LRRK2: variants seen among roughly 807,000 people sequenced by gnomAD.
LRRK2 encodes leucine rich repeat kinase 2, also known as leucine-rich repeat serine/threonine-protein kinase 2.
A neutral mutation model predicts 302.6 loss-of-function variants in LRRK2; 203 were observed. That is an observed-to-expected ratio of 0.67 (90% CI 0.60 to 0.75). The LOEUF (loss-of-function observed/expected upper bound fraction) is 0.75, where lower values mean the gene tolerates loss of function less well. Ranked by LOEUF, LRRK2 falls within the 30% of genes least tolerant of loss-of-function variation. The pLI is 0.00. For missense variants in LRRK2, 2,830 were observed against 2,951.0 expected (o/e 0.96, Z 0.95); for synonymous variants, 1,066 against 1,031.9 (o/e 1.03, Z -0.63).
At chr12:40,327,253 A>C (rs897316698) in intron 38 of LRRK2, among the ~76,000 whole-genome samples, 2 of 152,218 alleles carry the variant, frequency 1.3e-5, no homozygotes, top group East Asian at 3.8e-4. Context: ...CTTCAAGGGT[A>C]TGGAGGCCTG....
In LRRK2 at chr12:40,351,724, C is replaced by T; in HGVS notation, c.6567C>T (p.Tyr2189=). The T allele has an allele frequency of 6.2e-7, 1 of 1,614,070 alleles. No individual in the cohort carries two copies. Among genetic ancestry groups the T allele is most frequent in the African/African-American group, 1.3e-5 (1 of 75,040 alleles). ...TTCTTGACTTAAATACTGAAGGATA[C>T]ACTTCTGAGGTAAATCCAAATGCTC... is the stretch of plus-strand genomic sequence containing the variant. ...LSFLDLNTEG[Y]TSEEVADSRI... Residue 2189 remains tyrosine (Y), a synonymous_variant, in exon 44 of 51, where the codon TAC becomes TAT. Coordinates refer to ENST00000298910, the MANE Select transcript of LRRK2 (RefSeq NM_198578.4).
At chr12:40,248,964 C>G (rs910474238) in intron 7 of LRRK2, among the ~76,000 whole-genome samples, 7 of 152,168 alleles carry the variant, frequency 4.6e-5, no homozygotes, top group South Asian at 4.1e-4. Context: ...GGTAAAGGAG[C>G]TCCATACTTG....
At chr12:40,252,272 C>T (rs1235740880) in intron 10 of LRRK2, among the ~76,000 whole-genome samples, 2 of 152,154 alleles carry the variant, frequency 1.3e-5, no homozygotes, top group South Asian at 2.1e-4. Context: ...AAATCTTGAC[C>T]GTCTATTTGT....
At chr12:40,236,190 T>C (rs1948753824) in intron 4 of LRRK2, among the ~76,000 whole-genome samples, 1 of 152,150 alleles carries the variant, frequency 6.6e-6, no homozygotes, top group Non-Finnish European at 1.5e-5. Context: ...GCCATAATCG[T>C]TACATTTTGA....
chr12:40,324,918 CT>C (rs1333483980), intron 38 of LRRK2, among the ~76,000 whole-genome samples: 2 of 152,172 alleles, frequency 1.3e-5, no homozygotes, highest in Non-Finnish European at 2.9e-5. Flanking sequence ...TAAAATATTT[CT>C]TTTTCCTGCA....
At position 40,243,601 on chromosome 12, in the gene LRRK2, T is replaced by C. The variant is rs776346976; in HGVS notation, c.758T>C (p.Val253Ala). ...MSGNVRCYNI[V>A]VEAMKAFPMS... The stretch of plus-strand genomic sequence containing the variant: ...GGCAATGTCAGGTGTTATAATATTG[T>C]GGTGGAAGCTATGAAAGCATTCCCT... The change falls in exon 7 of 51, where the codon GTG (valine) becomes GCG (alanine). Residue 253 changes from valine to alanine, a missense_variant. Transcript: ENST00000298910. 1.9e-6 allele frequency: 3 copies of C among 1,612,148 alleles called. No homozygotes were observed. The African/African-American group carries it at 4.0e-5, about 22-fold the overall frequency.
At chr12:40,233,163 G>A (rs1170694750) in intron 3 of LRRK2, among the ~76,000 whole-genome samples, 1 of 152,152 alleles carries the variant, frequency 6.6e-6, no homozygotes, top group African/African-American at 2.4e-5. Context: ...GTTGCAGTGA[G>A]CCGAGATTGC....
chr12:40,345,356 C>T (rs1946159274), intron 41 of LRRK2, among the ~76,000 whole-genome samples: 1 of 152,052 alleles, frequency 6.6e-6, no homozygotes, highest in Non-Finnish European at 1.5e-5. Context: ...GGTGCAGTGG[C>T]TCCTGCCTGT....
intron 1 of LRRK2, 47 bp from the exon 2 acceptor site, chr12:40,225,508 C>T: frequency 6.7e-7 from 1 of 1,493,550 alleles, no homozygotes; most frequent in East Asian, 2.3e-5. Context: ...AGAGGGGGTG[C>T]TGTGGATTGT....
At chr12:40,275,355 T>G (rs1292538724) in intron 16 of LRRK2, among the ~76,000 whole-genome samples, 2 of 152,196 alleles carry the variant, frequency 1.3e-5, no homozygotes, top group African/African-American at 2.4e-5. Context: ...GTTGCTTACC[T>G]TTAGTAATTT....
chr12:40,239,554 A>G (rs1429014680), intron 5 of LRRK2, among the ~76,000 whole-genome samples: 1 of 152,188 alleles, frequency 6.6e-6, no homozygotes, highest in Non-Finnish European at 1.5e-5. Context: ...ATGTTGCTCA[A>G]TAGAAAAACC....
At chr12:40,311,011 A>G (rs1343230609) in intron 31 of LRRK2, among the ~76,000 whole-genome samples, 1 of 151,894 alleles carries the variant, frequency 6.6e-6, no homozygotes, top group South Asian at 2.1e-4. Flanking sequence ...AGGTCTTGGG[A>G]TCATCTTTCT....
rs531265889 is a variant in LRRK2 at position 40,353,389 on chromosome 12, G to A, written c.6577-910G>A. The stretch of plus-strand genomic sequence containing the variant: ...GCTCTCCTCACATCCCAGACGGGGC[G>A]GCAGGGCAGAGGCGCTCCCCACATC... On this transcript the variant is annotated intron_variant, in intron 44 of 50. Coordinates refer to ENST00000298910, the MANE Select transcript of LRRK2 (RefSeq NM_198578.4). 6.6e-5 allele frequency among the ~76,000 whole-genome samples: 10 copies of A among 151,528 alleles called. No individual in the cohort carries two copies. The South Asian group carries it at 1.5e-3, about 22-fold the overall frequency.
Position 40,252,920 on chromosome 12 carries a change from C to T in LRRK2, c.1192C>T (p.His398Tyr), listed in dbSNP as rs146765799. The T allele has an allele frequency of 6.8e-6, 11 of 1,612,364 alleles. No individual in the cohort carries two copies. Among genetic ancestry groups the T allele is most frequent in the South Asian group, 1.1e-5 (1 of 91,058 alleles). Residue 398 changes from histidine (H) to tyrosine (Y), a missense_variant, in exon 11 of 51, where the codon CAT becomes TAT. This residue lies in a region of LRRK2 where 2,121 missense variants were observed against 2,148.0 expected (regional missense o/e 0.99). Transcript: ENST00000298910. The part of the protein sequence containing the change: ...IGDEDGHFPA[H>Y]REVMLSMLMH... ...TTGAATTTTTGAAAGTTTCCCAGCT[C>T]ATAGGGAAGTGATGCTCTCCATGCT...
intron 5 of LRRK2, 23 bp from the exon 6 acceptor site, chr12:40,240,460 G>T: frequency 6.2e-7 from 1 of 1,605,020 alleles, no homozygotes; most frequent in Non-Finnish European, 8.5e-7. Flanking sequence ...AGCTTATTCA[G>T]TATTTTGTCT....
At chr12:40,339,560 T>C (rs1232672834) in intron 40 of LRRK2, among the ~76,000 whole-genome samples, 1 of 152,172 alleles carries the variant, frequency 6.6e-6, no homozygotes, top group Non-Finnish European at 1.5e-5. Flanking sequence ...CTCCAGAAGG[T>C]TGGACTTTAA....
intron 41 of LRRK2, among the ~76,000 whole-genome samples, chr12:40,342,913 C>T (rs777982718): frequency 6.6e-6 from 1 of 152,068 alleles, no homozygotes; most frequent in African/African-American, 2.4e-5. Context: ...GAGCGATGTG[C>T]TGGGCTTGTG....
At chr12:40,338,615 C>T (rs565333346) in intron 40 of LRRK2, among the ~76,000 whole-genome samples, 164 of 152,290 alleles carry the variant, frequency 1.1e-3, no homozygotes, top group Non-Finnish European at 1.9e-3. Flanking sequence ...GCTATTAGAA[C>T]TGCACTTCTT....
At chr12:40,240,452 C>T in intron 5 of LRRK2, 31 bp from the exon 6 acceptor site, 1 of 1,598,282 alleles carries the variant, frequency 6.3e-7, no homozygotes, top group Non-Finnish European at 8.6e-7. Context: ...CATCTTTAAG[C>T]TTATTCAGTA....
Sources: gnomAD v4.1 joint callset for allele counts (sites outside exome capture counted in the v4.1 genomes callset) on GRCh38, gnomAD v4.1.1 for gene constraint, gnomAD v4.1.1 regional missense constraint, MANE v1.5 for transcripts, NCBI Gene and HGNC (gene_info 2026-07-23, HGNC 2026-07-21) for gene names.